GBE1: variants seen among roughly 807,000 people sequenced by gnomAD.
The protein encoded by GBE1 is 1,4-alpha-glucan branching enzyme 1.
GBE1 carries 70 observed loss-of-function variants against 88.8 expected under a neutral mutation model. That is an observed-to-expected ratio of 0.79 (90% CI 0.65 to 0.96). The LOEUF (loss-of-function observed/expected upper bound fraction) is 0.96, where lower values mean the gene tolerates loss of function less well. Ranked by LOEUF, GBE1 falls within the 40% of genes least tolerant of loss-of-function variation. GBE1 has a pLI of 0.00. For missense variants in GBE1, 872 were observed against 871.0 expected (o/e 1.00, Z -0.01); for synonymous variants, 284 against 300.1 (o/e 0.95, Z 0.56).
intron 7 of GBE1, among the ~76,000 whole-genome samples, chr3:81,595,075 A>C (rs1207264058): frequency 6.6e-6 from 1 of 151,624 alleles, no homozygotes; most frequent in Non-Finnish European, 1.5e-5. Flanking sequence ...GAGTGTTGTT[A>C]GTAATTAACT....
rs1199237900 is a variant in GBE1, at chr3:81,591,036, C to T, written c.1236+1G>A. 6.2e-7 allele frequency: 1 copy of T among 1,606,904 alleles called. No individual in the cohort carries two copies. The highest frequency in any genetic ancestry group is 1.3e-5 in the African/African-American group (1 of 74,874). Reference sequence around the variant, plus strand: ...AAGGTAAGACTTCACTATGGCTTTACCTCAGCTATTGTTATAGAATCGGGA... The same window carrying T: ...AAGGTAAGACTTCACTATGGCTTTATCTCAGCTATTGTTATAGAATCGGGA... On this transcript the variant is annotated splice_donor_variant, in intron 9 of 15. Coordinates refer to ENST00000429644, the MANE Select transcript of GBE1 (RefSeq NM_000158.4). LOFTEE classifies it high-confidence loss of function.
intron 11 of GBE1, 41 bp from the exon 12 acceptor site, chr3:81,578,137 G>C: frequency 1.5e-6 from 2 of 1,357,876 alleles, no homozygotes; most frequent in Non-Finnish European, 2.0e-6. Flanking sequence ...AAAAAAAAAA[G>C]TGCTAAGTAG....
intron 1 of GBE1, among the ~76,000 whole-genome samples, chr3:81,735,006 ACTGT>A (rs1397122681): frequency 6.6e-6 from 1 of 152,160 alleles, no homozygotes; most frequent in African/African-American, 2.4e-5. Flanking sequence ...ATGTATCTAC[ACTGT>A]CTATTTTACC....
intron 1 of GBE1, among the ~76,000 whole-genome samples, chr3:81,748,544 G>C (rs1296122701): frequency 6.6e-6 from 1 of 151,972 alleles, no homozygotes; most frequent in Non-Finnish European, 1.5e-5. Context: ...CCGGGAGGCG[G>C]AGCTTGCAGT....
Position 81,570,665 on chromosome 3 carries a change from T to C in GBE1, c.1618+7260A>G, listed in dbSNP as rs527864207. Among the ~76,000 whole-genome samples, 23 of 152,318 alleles carry C rather than the reference T, an allele frequency of 1.5e-4. No individual in the cohort carries two copies. The East Asian group carries it at 2.3e-3, about 15-fold the overall frequency. On this transcript the variant is annotated intron_variant, in intron 12 of 15. Coordinates refer to ENST00000429644, the MANE Select transcript of GBE1 (RefSeq NM_000158.4). ...AAGCAGAGATATCTGGGTGGAAAGG[T>C]AGGCAGTAGTTGGATCATAAAGGAT...
At chr3:81,736,906 T>G (rs966276565) in intron 1 of GBE1, among the ~76,000 whole-genome samples, 1 of 152,254 alleles carries the variant, frequency 6.6e-6, no homozygotes, top group South Asian at 2.1e-4. Flanking sequence ...ATAAACAGAT[T>G]TACCTTTTTA....
At chr3:81,491,722 T>C (rs1023072340) in intron 15 of GBE1, among the ~76,000 whole-genome samples, 4 of 151,876 alleles carry the variant, frequency 2.6e-5, no homozygotes, top group African/African-American at 9.7e-5. Flanking sequence ...TGCCTGATGG[T>C]TTAAAAAAAA....
intron 1 of GBE1, among the ~76,000 whole-genome samples, chr3:81,707,330 T>G (rs1453524256): frequency 2.6e-5 from 4 of 152,074 alleles, no homozygotes; most frequent in Admixed American, 6.6e-5. Flanking sequence ...GACAAGTTTC[T>G]ATTCATATCT....
At chr3:81,707,651 G>A (rs1208278235) in intron 1 of GBE1, among the ~76,000 whole-genome samples, 3 of 151,954 alleles carry the variant, frequency 2.0e-5, no homozygotes, top group Non-Finnish European at 4.4e-5. Flanking sequence ...TTTTATAGCA[G>A]AGAGTCACTC....
rs560787344 is a variant in GBE1 at position 81,655,075 on chromosome 3, A to C, written c.430-5154T>G. 3 of 152,304 alleles carry C rather than the reference A, an allele frequency of 2.0e-5. No individual in the cohort carries two copies. The East Asian group carries it at 5.8e-4, about 29-fold the overall frequency. 9.4% of individuals were successfully genotyped at this position (152,304 alleles called of 1,614,324 possible). A position where few individuals can be genotyped will look rare whatever the true frequency, so the allele number is the denominator to read the frequency against. On this transcript the variant is annotated intron_variant, in intron 3 of 15. Coordinates refer to ENST00000429644, the MANE Select transcript of GBE1 (RefSeq NM_000158.4). ...CAGTACCTATTTATCAAATATTAAA[A>C]TATTTTTATTTTAATAATAAGTATA... is the stretch of plus-strand genomic sequence containing the variant.
intron 3 of GBE1, among the ~76,000 whole-genome samples, chr3:81,652,417 A>G (rs1182946099): frequency 2.0e-5 from 3 of 152,210 alleles, no homozygotes; most frequent in African/African-American, 7.2e-5. Context: ...CATTCACTGA[A>G]TAACTTCAAT....
At chr3:81,495,470 A>G (rs1216794984) in intron 15 of GBE1, among the ~76,000 whole-genome samples, 1 of 152,198 alleles carries the variant, frequency 6.6e-6, no homozygotes, top group Admixed American at 6.5e-5. Flanking sequence ...TATAATAAAA[A>G]TCACAGTTTT....
intron 12 of GBE1, among the ~76,000 whole-genome samples, chr3:81,546,954 G>C (rs1206345391): frequency 6.6e-6 from 1 of 151,194 alleles, no homozygotes; most frequent in East Asian, 1.9e-4. Context: ...CACCATGGAA[G>C]GAACAATACT....
chr3:81,622,788 A>C (rs1472872856), intron 7 of GBE1, among the ~76,000 whole-genome samples: 3 of 152,098 alleles, frequency 2.0e-5, no homozygotes. Context: ...AAAACGTCGG[A>C]GTTAACTTCT....
chr3:81,561,391 T>C (rs1703415313), intron 12 of GBE1, among the ~76,000 whole-genome samples: 2 of 152,106 alleles, frequency 1.3e-5, no homozygotes. Flanking sequence ...TTTCATTTTG[T>C]ACATGATAAG....
chr3:81,595,303 C>A (rs552490204), intron 7 of GBE1, among the ~76,000 whole-genome samples: 3 of 151,518 alleles, frequency 2.0e-5, no homozygotes, highest in Non-Finnish European at 4.4e-5. Context: ...TGAATAGAAA[C>A]AAGGAGATAT....
In GBE1 at chr3:81,649,845, TC is replaced by T. The variant is rs1370223073; in HGVS notation, c.505del (p.Asp169IlefsTer3). The T allele has an allele frequency of 6.2e-7, 1 of 1,612,150 alleles. No individual in the cohort carries two copies. The highest frequency in any genetic ancestry group is 8.5e-7 in the Non-Finnish European group (1 of 1,178,554). ...PWAKYVVREG[D>X]NVNYDWIHWD... is the part of the protein sequence containing the mutation. ...GTGTATCCAATCATAATTCACATTATCACCTTCACGAACCACATACTTTGCC... is the reference window on the plus strand; with the variant it reads ...GTGTATCCAATCATAATTCACATTATACCTTCACGAACCACATACTTTGCC... On this transcript the variant is annotated frameshift_variant, in exon 4 of 16. Transcript: ENST00000429644. LOFTEE classifies it high-confidence loss of function.
intron 2 of GBE1, among the ~76,000 whole-genome samples, chr3:81,697,523 A>G (rs1705616932): frequency 6.6e-6 from 1 of 152,100 alleles, no homozygotes; most frequent in South Asian, 2.1e-4. Flanking sequence ...GATGGTCTCA[A>G]TCTCCTGACC....
intron 10 of GBE1, among the ~76,000 whole-genome samples, chr3:81,581,950 G>A (rs1405942041): frequency 1.3e-5 from 2 of 151,968 alleles, no homozygotes; most frequent in African/African-American, 4.8e-5. Flanking sequence ...TATTGACACT[G>A]CTGATCCTAT....
Sources: gnomAD v4.1 joint callset for allele counts (sites outside exome capture counted in the v4.1 genomes callset) on GRCh38, gnomAD v4.1.1 for gene constraint, MANE v1.5 for transcripts, NCBI Gene and HGNC (gene_info 2026-07-23, HGNC 2026-07-21) for gene names.